Variants in MDGA2 observed in about 807,000 individuals in gnomAD.
MDGA2 encodes the protein MAM domain containing glycosylphosphatidylinositol anchor 2, also known as MAM domain-containing glycosylphosphatidylinositol anchor protein 2.
In MDGA2, 40 loss-of-function variants were observed where a neutral mutation model predicts 117.8. The observed-to-expected ratio is 0.34, with a 90% CI of 0.26 to 0.44. The LOEUF is 0.44. Among genes scored for constraint, MDGA2 ranks in the 20% least tolerant of loss-of-function variants. The pLI is 1.00. For missense variants in MDGA2, 1,123 were observed against 1,250.6 expected (o/e 0.90, Z 1.54); for synonymous variants, 452 against 439.0 (o/e 1.03, Z -0.37).
rs1555374518 is a variant in MDGA2 at position 47,335,734 on chromosome 14, T to TATATATA, written c.281-34185_281-34184insTATATAT. 1.5e-4 allele frequency among the ~76,000 whole-genome samples: 7 copies of TATATATA among 48,032 alleles called. No individual in the cohort carries two copies. The South Asian group carries it at 4.2e-3, about 29-fold the overall frequency. 31.5% of individuals were successfully genotyped at this position (48,032 alleles called of 152,430 possible). ...ACACATACACATGCACACATATATTTTATATATATATATACATACATACAT... is the reference window on the plus strand; with the variant it reads ...ACACATACACATGCACACATATATTTATATATATATATATATATATACATACATACAT... On this transcript the variant is annotated intron_variant, in intron 1 of 16. Transcript: ENST00000399232.
intron 1 of MDGA2, among the ~76,000 whole-genome samples, chr14:47,500,745 A>G (rs1894382514): frequency 6.6e-6 from 1 of 152,180 alleles, no homozygotes; most frequent in Non-Finnish European, 1.5e-5. Flanking sequence ...GAGACTAACG[A>G]AAGTTAATAG....
chr14:47,330,504 C>G (rs77612161), intron 1 of MDGA2, among the ~76,000 whole-genome samples: 3,011 of 151,826 alleles, frequency 0.02, 48 homozygotes, highest in Non-Finnish European at 0.032. Flanking sequence ...AAATTTTAAG[C>G]CAGGAAAGCA....
intron 8 of MDGA2, among the ~76,000 whole-genome samples, chr14:47,009,968 C>T (rs1263204371): frequency 1.3e-5 from 2 of 152,026 alleles, no homozygotes; most frequent in African/African-American, 4.8e-5. Context: ...CCTTACCCCC[C>T]TTTCCCAACC....
intron 5 of MDGA2, among the ~76,000 whole-genome samples, chr14:47,118,726 T>A (rs184015041): frequency 3.3e-5 from 5 of 152,292 alleles, no homozygotes; most frequent in African/African-American, 7.2e-5. Context: ...ACGCTTTTTT[T>A]ATAAAAACAA....
intron 1 of MDGA2, among the ~76,000 whole-genome samples, chr14:47,523,407 T>A (rs6572433): frequency 1 from 152,319 of 152,322 alleles, 76,158 homozygotes; most frequent in Middle Eastern, 1. Flanking sequence ...TAATTTTTTA[T>A]AATTTTAAAG....
chr14:47,345,741 A>C (rs1400107661), intron 1 of MDGA2, among the ~76,000 whole-genome samples: 1 of 152,150 alleles, frequency 6.6e-6, no homozygotes, highest in African/African-American at 2.4e-5. Flanking sequence ...TAGCTAACTG[A>C]AATACTAGAC....
At chr14:47,268,572 C>T (rs1248556773) in intron 2 of MDGA2, among the ~76,000 whole-genome samples, 1 of 152,108 alleles carries the variant, frequency 6.6e-6, no homozygotes, top group Non-Finnish European at 1.5e-5. Context: ...AATGAGAAAG[C>T]AAGGTGCCAA....
intron 8 of MDGA2, among the ~76,000 whole-genome samples, chr14:47,007,541 C>T (rs1887754739): frequency 6.6e-6 from 1 of 151,686 alleles, no homozygotes; most frequent in Non-Finnish European, 1.5e-5. Flanking sequence ...GAGATGAACA[C>T]AGATAACTAA....
intron 8 of MDGA2, among the ~76,000 whole-genome samples, chr14:47,023,198 T>TAAAAAAAAAAAAAA (rs71985853): frequency 8.8e-5 from 9 of 102,798 alleles, no homozygotes; most frequent in East Asian, 5.2e-4. Context: ...TTCCCACTCG[T>TAAAAAAAAAAAAAA]AAAAAAAAAA....
intron 8 of MDGA2, among the ~76,000 whole-genome samples, chr14:46,963,004 T>G (rs749857353): frequency 9.2e-5 from 14 of 152,144 alleles, no homozygotes; most frequent in Non-Finnish European, 1.9e-4. Flanking sequence ...AAAAAACAAG[T>G]TAAGACTGAA....
chr14:47,343,133 A>G, intron 1 of MDGA2: 2 of 1,208,968 alleles, frequency 1.7e-6, no homozygotes, highest in Non-Finnish European at 2.1e-6. Flanking sequence ...CACAATAATG[A>G]AACAGCTGAG....
intron 3 of MDGA2, among the ~76,000 whole-genome samples, chr14:47,208,939 T>G (rs1415455433): frequency 3.3e-5 from 5 of 152,032 alleles, no homozygotes; most frequent in African/African-American, 9.7e-5. Context: ...TGAAAAACAC[T>G]ACAAGCTTTC....
At chr14:47,360,391 A>AAATAAAT (rs1555376188) in intron 1 of MDGA2, among the ~76,000 whole-genome samples, 203 of 122,990 alleles carry the variant, frequency 1.7e-3, no homozygotes, top group Non-Finnish European at 2.0e-3. Context: ...ATAAATAAAT[A>AAATAAAT]AAATAAAATA....
At chr14:46,975,696 T>C (rs1032413325) in intron 8 of MDGA2, among the ~76,000 whole-genome samples, 1 of 152,080 alleles carries the variant, frequency 6.6e-6, no homozygotes, top group Admixed American at 6.6e-5. Flanking sequence ...GGGGAGGAGA[T>C]ATCTTAGTAC....
chr14:47,221,409 C>A (rs1331708217), intron 2 of MDGA2, among the ~76,000 whole-genome samples: 2 of 152,110 alleles, frequency 1.3e-5, no homozygotes, highest in Non-Finnish European at 2.9e-5. Flanking sequence ...ATAAAGAGGG[C>A]CGGGCACGGT....
chr14:47,032,350 G>A (rs569195930), intron 8 of MDGA2, among the ~76,000 whole-genome samples: 2 of 152,180 alleles, frequency 1.3e-5, no homozygotes, highest in East Asian at 3.9e-4. Context: ...AGTTTGGGAG[G>A]CCGAGGCAGG....
At chr14:47,353,166 C>T (rs189275608) in intron 1 of MDGA2, among the ~76,000 whole-genome samples, 13 of 152,270 alleles carry the variant, frequency 8.5e-5, no homozygotes, top group Non-Finnish European at 1.2e-4. Flanking sequence ...TGCACAGTAG[C>T]TGTACATGCT....
chr14:47,315,391 T>A (rs1242696806), intron 1 of MDGA2, among the ~76,000 whole-genome samples: 1 of 152,138 alleles, frequency 6.6e-6, no homozygotes, highest in Non-Finnish European at 1.5e-5. Flanking sequence ...AACCAACACC[T>A]CTATTTATAA....
At chr14:47,073,738 T>C (rs1890380150) in intron 6 of MDGA2, among the ~76,000 whole-genome samples, 2 of 152,216 alleles carry the variant, frequency 1.3e-5, no homozygotes, top group Admixed American at 1.3e-4. Flanking sequence ...CAGTTAAAGA[T>C]GCTGAAAGGT....
Sources: allele counts gnomAD v4.1 joint callset (sites outside exome capture counted in the v4.1 genomes callset), GRCh38; gene constraint gnomAD v4.1.1; transcripts MANE v1.5; gene names NCBI Gene and HGNC (gene_info 2026-07-23, HGNC 2026-07-21).